Variants in MIS18A observed in about 807,000 individuals in gnomAD.
The protein encoded by MIS18A is protein Mis18-alpha.
Under a neutral mutation model 25.0 loss-of-function variants are expected in MIS18A, and 14 were observed. The ratio of observed to expected loss-of-function variants is 0.56; its 90% CI spans 0.37 to 0.88. MIS18A has a LOEUF of 0.88. Ranked by LOEUF, MIS18A falls within the 40% of genes least tolerant of loss-of-function variation. The pLI is 0.00. For synonymous variants in MIS18A, 134 were observed against 118.6 expected (o/e 1.13, Z -0.84); for missense variants, 292 against 290.8 (o/e 1.00, Z -0.03).
chr21:32,182,409 A>C, the MIS18A span, among the ~76,000 whole-genome samples: 3 of 152,204 alleles, frequency 2.0e-5, no homozygotes, highest in South Asian at 6.2e-4. Context: ...TCCCCCCCAC[A>C]AACACACACA....
the MIS18A span, among the ~76,000 whole-genome samples, chr21:32,184,073 C>T: frequency 6.6e-6 from 1 of 152,182 alleles, no homozygotes; most frequent in Admixed American, 6.5e-5. Flanking sequence ...TCAGCCTCAC[C>T]CTCTCCCTGA....
chr21:32,174,295 T>A, the MIS18A span, among the ~76,000 whole-genome samples: 1 of 152,148 alleles, frequency 6.6e-6, no homozygotes, highest in African/African-American at 2.4e-5. Context: ...ACTGCGTTTT[T>A]AAAACATGCA....
At chr21:32,157,223 A>ATTTTTTTTTTT in the MIS18A span, among the ~76,000 whole-genome samples, 3,198 of 71,654 alleles carry the variant, frequency 0.045, 382 homozygotes, top group African/African-American at 0.096. Context: ...TACCCGGCTA[A>ATTTTTTTTTTT]TTTTTTTTTT....
At chr21:32,237,490 G>T in the MIS18A span, among the ~76,000 whole-genome samples, 1 of 152,142 alleles carries the variant, frequency 6.6e-6, no homozygotes, top group Admixed American at 6.5e-5. Context: ...CTTACAATGG[G>T]CTAAGCCTTA....
the MIS18A span, among the ~76,000 whole-genome samples, chr21:32,229,132 T>G: frequency 2.6e-5 from 4 of 152,250 alleles, no homozygotes; most frequent in Admixed American, 1.3e-4. Context: ...TTACTATGTT[T>G]CTTAGTCCCT....
chr21:32,278,161 C>T (rs2031851061), intron 1 of MIS18A: 1 of 153,602 alleles, frequency 6.5e-6, no homozygotes, highest in South Asian at 2.1e-4. Flanking sequence ...CATCCTCCTT[C>T]CTCGCCAGTT....
chr21:32,169,235 G>A, the MIS18A span, among the ~76,000 whole-genome samples: 1 of 151,180 alleles, frequency 6.6e-6, no homozygotes, highest in East Asian at 2.0e-4. Flanking sequence ...CCACTGGAAG[G>A]GGCATAACAG....
chr21:32,236,778 C>A, the MIS18A span, among the ~76,000 whole-genome samples: 2 of 152,172 alleles, frequency 1.3e-5, no homozygotes, highest in Non-Finnish European at 2.9e-5. Flanking sequence ...CCACATCTAC[C>A]TGCAAGGGAG....
intron 3 of MIS18A, 104 bp downstream of exon 3, chr21:32,270,303 T>A: frequency 1.5e-6 from 2 of 1,360,994 alleles, no homozygotes; most frequent in Non-Finnish European, 2.0e-6. Flanking sequence ...AATCATTACT[T>A]GAAAATATAT....
chr21:32,241,095 T>C, the MIS18A span, among the ~76,000 whole-genome samples: 35 of 152,384 alleles, frequency 2.3e-4, no homozygotes, highest in Non-Finnish European at 4.7e-4. Flanking sequence ...CTTTCAGCGT[T>C]TCTAGAGAGA....
the MIS18A span, among the ~76,000 whole-genome samples, chr21:32,243,941 G>A: frequency 2.6e-5 from 4 of 151,892 alleles, no homozygotes; most frequent in Non-Finnish European, 4.4e-5. Flanking sequence ...GCGACACAGC[G>A]AGACCCCGAC....
the MIS18A span, among the ~76,000 whole-genome samples, chr21:32,187,660 A>G: frequency 9.9e-5 from 15 of 152,178 alleles, no homozygotes; most frequent in African/African-American, 3.6e-4. Flanking sequence ...GAGCCCTCGC[A>G]TAATAAATCT....
chr21:32,178,631 T>C, the MIS18A span, among the ~76,000 whole-genome samples: 1 of 152,344 alleles, frequency 6.6e-6, no homozygotes, highest in East Asian at 1.9e-4. Context: ...TAATAGGTCA[T>C]CTATCTTTTC....
the MIS18A span, among the ~76,000 whole-genome samples, chr21:32,240,310 T>A: frequency 1.3e-5 from 2 of 152,240 alleles, no homozygotes. Context: ...CGAATGGGAT[T>A]AGTGTCCTTG....
chr21:32,199,395 G>A, the MIS18A span, among the ~76,000 whole-genome samples: 1 of 151,136 alleles, frequency 6.6e-6, no homozygotes, highest in Non-Finnish European at 1.5e-5. Context: ...TTACACTTGG[G>A]TTGAAAAAAA....
chr21:32,229,875 A>G, the MIS18A span, among the ~76,000 whole-genome samples: 1 of 152,186 alleles, frequency 6.6e-6, no homozygotes, highest in South Asian at 2.1e-4. Context: ...GCAATTTCTT[A>G]AAGTTCTGCT....
the MIS18A span, among the ~76,000 whole-genome samples, chr21:32,193,877 G>A: frequency 6.6e-6 from 1 of 152,144 alleles, no homozygotes; most frequent in African/African-American, 2.4e-5. Context: ...GGCTCTACTG[G>A]TATTTGCAGT....
chr21:32,235,307 G>T, the MIS18A span, among the ~76,000 whole-genome samples: 33 of 152,292 alleles, frequency 2.2e-4, no homozygotes, highest in Non-Finnish European at 3.7e-4. Context: ...GCCTCGAAGT[G>T]GGTACAACTC....
the MIS18A span, among the ~76,000 whole-genome samples, chr21:32,257,149 C>T: frequency 1.3e-4 from 20 of 152,172 alleles, no homozygotes; most frequent in Non-Finnish European, 2.5e-4. Context: ...GTTATGGCTT[C>T]GCTAAGGGGG....
Sources: allele counts gnomAD v4.1 joint callset (sites outside exome capture counted in the v4.1 genomes callset), GRCh38; gene constraint gnomAD v4.1.1; transcripts MANE v1.5; gene names NCBI Gene and HGNC (gene_info 2026-07-23, HGNC 2026-07-21).